The following NOL4 variants were observed in gnomAD, a reference collection of about 807,000 sequenced individuals.
NOL4 encodes the protein cancer/testis antigen 125.
In NOL4, 17 loss-of-function variants were observed where a neutral mutation model predicts 75.9. The observed-to-expected ratio is 0.22, with a 90% CI of 0.15 to 0.34. The LOEUF (loss-of-function observed/expected upper bound fraction) is 0.34, where lower values mean the gene tolerates loss of function less well. Ranked by LOEUF, NOL4 falls within the 10% of genes least tolerant of loss-of-function variation. The probability of loss-of-function intolerance (pLI) is 1.00; values close to 1 mark genes in which losing one functional copy is unlikely to be tolerated. For missense variants in NOL4, 614 were observed against 793.5 expected, an observed-to-expected ratio of 0.77 and a Z score of 2.72; for synonymous variants, 292 against 289.9, an observed-to-expected ratio of 1.01 and a Z score of -0.07.
At chr18:34,065,479 T>C (rs2077236224) in intron 5 of NOL4, among the ~76,000 whole-genome samples, 1 of 151,968 alleles carries the variant, frequency 6.6e-6, no homozygotes, top group Non-Finnish European at 1.5e-5. Flanking sequence ...AGATGAAGTA[T>C]TGTAAAAGTA....
At position 33,879,047 on chromosome 18, in the gene NOL4, G is replaced by C. The variant is rs147740794; in HGVS notation, c.1723+4197C>G. 2.1e-3 allele frequency among the ~76,000 whole-genome samples: 322 copies of C among 152,172 alleles called. 5 individuals are homozygous for C. Among genetic ancestry groups the C allele is most frequent in the African/African-American group, 7.5e-3 (311 of 41,524 alleles). ...CACTTGGACGAGTTCCTCTCTATGT[G>C]AGGCTATGCCAACAACTCGTTAAAC... On this transcript the variant is annotated intron_variant, in intron 10 of 10. Coordinates refer to ENST00000261592, the MANE Select transcript of NOL4 (RefSeq NM_003787.5).
At chr18:34,117,807 C>T (rs1266119966) in intron 2 of NOL4, among the ~76,000 whole-genome samples, 1 of 152,146 alleles carries the variant, frequency 6.6e-6, no homozygotes, top group African/African-American at 2.4e-5. Context: ...AAGAAATTCG[C>T]CAGCAGAGAA....
chr18:33,942,127 AC>A (rs1464611876), intron 9 of NOL4, among the ~76,000 whole-genome samples: 1 of 151,998 alleles, frequency 6.6e-6, no homozygotes, highest in African/African-American at 2.4e-5. Context: ...AAATGAAAAA[AC>A]GTTTTTGCTT....
intron 2 of NOL4, among the ~76,000 whole-genome samples, chr18:34,116,927 A>T (rs529047530): frequency 6.6e-6 from 1 of 152,280 alleles, no homozygotes; most frequent in Non-Finnish European, 1.5e-5. Context: ...TTATTCAATA[A>T]AAAGGGTTTC....
At chr18:34,202,081 G>C (rs900787435) in intron 1 of NOL4, among the ~76,000 whole-genome samples, 2 of 151,838 alleles carry the variant, frequency 1.3e-5, no homozygotes, top group African/African-American at 4.8e-5. Context: ...CTGGTAACCA[G>C]TTAGAGTTTT....
intron 5 of NOL4, among the ~76,000 whole-genome samples, chr18:34,070,123 CCGGGTTCA>C (rs2077449347): frequency 1.3e-5 from 2 of 152,258 alleles, no homozygotes; most frequent in East Asian, 1.9e-4. Flanking sequence ...GCTCCGCCTT[CCGGGTTCA>C]CGCCATTCTC....
chr18:34,025,545 C>T (rs1328096025), intron 5 of NOL4, among the ~76,000 whole-genome samples: 1 of 152,116 alleles, frequency 6.6e-6, no homozygotes, highest in Non-Finnish European at 1.5e-5. Context: ...GTTCTCTTTC[C>T]CCTCTTGATC....
At chr18:34,199,360 A>C (rs2035573908) in intron 1 of NOL4, among the ~76,000 whole-genome samples, 1 of 151,804 alleles carries the variant, frequency 6.6e-6, no homozygotes, top group African/African-American at 2.4e-5. Flanking sequence ...ATCTGGCTAA[A>C]ATGAGACAGT....
intron 1 of NOL4, among the ~76,000 whole-genome samples, chr18:34,162,299 G>C (rs1024735435): frequency 1.3e-5 from 2 of 152,158 alleles, no homozygotes; most frequent in South Asian, 2.1e-4. Flanking sequence ...GAATCGAGGA[G>C]ATGGTTTTTT....
intron 10 of NOL4, among the ~76,000 whole-genome samples, chr18:33,878,403 T>G (rs1449689866): frequency 6.6e-6 from 1 of 152,220 alleles, no homozygotes; most frequent in Non-Finnish European, 1.5e-5. Flanking sequence ...CTAAGTAAAT[T>G]AAAAGGGCAA....
chr18:34,202,125 C>T (rs1465337585), intron 1 of NOL4, among the ~76,000 whole-genome samples: 1 of 151,642 alleles, frequency 6.6e-6, no homozygotes, highest in Non-Finnish European at 1.5e-5. Context: ...TTTGTATTGA[C>T]CTAAAAGAAA....
At chr18:34,009,964 T>C (rs895896815) in intron 6 of NOL4, among the ~76,000 whole-genome samples, 2 of 151,928 alleles carry the variant, frequency 1.3e-5, no homozygotes, top group African/African-American at 4.8e-5. Flanking sequence ...TCCTGGCACA[T>C]AGTATACAAG....
intron 5 of NOL4, among the ~76,000 whole-genome samples, chr18:34,053,271 C>A (rs756440931): frequency 1.3e-5 from 2 of 151,736 alleles, no homozygotes; most frequent in Non-Finnish European, 2.9e-5. Flanking sequence ...TCTTAAATTG[C>A]CAAGAGCAAA....
chr18:34,044,962 A>G (rs1187772471), intron 5 of NOL4, among the ~76,000 whole-genome samples: 1 of 152,212 alleles, frequency 6.6e-6, no homozygotes, highest in African/African-American at 2.4e-5. Flanking sequence ...TCCATTGGTC[A>G]TGCTCACCAG....
intron 9 of NOL4, among the ~76,000 whole-genome samples, chr18:33,904,962 AC>A (rs2065949517): frequency 1.3e-5 from 2 of 152,274 alleles, no homozygotes; most frequent in South Asian, 4.1e-4. Context: ...GAAAAGATAA[AC>A]CACAGTCTAA....
intron 8 of NOL4, among the ~76,000 whole-genome samples, chr18:33,946,910 C>A (rs2145615479): frequency 6.6e-6 from 1 of 151,680 alleles, no homozygotes; most frequent in Non-Finnish European, 1.5e-5. Flanking sequence ...AGCTTAATTT[C>A]ATGCCCAAAA....
intron 6 of NOL4, among the ~76,000 whole-genome samples, chr18:33,977,364 G>A (rs1000704839): frequency 6.6e-6 from 1 of 152,258 alleles, no homozygotes; most frequent in Admixed American, 6.5e-5. Context: ...TCATGGGGGA[G>A]AGTTTTTCCC....
At chr18:33,979,756 T>C (rs1044157890) in intron 6 of NOL4, among the ~76,000 whole-genome samples, 3 of 152,098 alleles carry the variant, frequency 2.0e-5, no homozygotes, top group African/African-American at 7.2e-5. Context: ...TTCATTCTGG[T>C]TAGCTTTTGC....
intron 5 of NOL4, among the ~76,000 whole-genome samples, chr18:34,029,359 C>A (rs1451750771): frequency 6.6e-6 from 1 of 152,114 alleles, no homozygotes. Flanking sequence ...AAGTAGCCCA[C>A]ACACATAAAA....
Sources: gnomAD v4.1 joint callset for allele counts (sites outside exome capture counted in the v4.1 genomes callset) on GRCh38, gnomAD v4.1.1 for gene constraint, MANE v1.5 for transcripts, NCBI Gene and HGNC (gene_info 2026-07-23, HGNC 2026-07-21) for gene names.